The following VSTM4 variants were observed in gnomAD, a reference collection of about 807,000 sequenced individuals.
VSTM4 encodes the protein V-set and transmembrane domain containing 4.
Under a neutral mutation model 36.4 loss-of-function variants are expected in VSTM4, and 20 were observed. The ratio of observed to expected loss-of-function variants is 0.55; its 90% CI spans 0.39 to 0.80. The LOEUF (loss-of-function observed/expected upper bound fraction) is 0.80, where lower values mean the gene tolerates loss of function less well. Ranked by LOEUF, VSTM4 falls within the 30% of genes least tolerant of loss-of-function variation. The probability of loss-of-function intolerance (pLI) is 0.00; values close to 1 mark genes in which losing one functional copy is unlikely to be tolerated. For synonymous variants in VSTM4, 182 were observed against 173.9 expected (o/e 1.05, Z -0.37); for missense variants, 392 against 404.5 (o/e 0.97, Z 0.26).
chr10:49,071,666 C>T (rs1206366447), intron 4 of VSTM4, among the ~76,000 whole-genome samples: 1 of 152,216 alleles, frequency 6.6e-6, no homozygotes, highest in Non-Finnish European at 1.5e-5. Context: ...CTCAAGGTCC[C>T]ACTGGGGGTT....
chr10:49,076,804 TGAACGCTCATAA>T (rs1363660843), intron 4 of VSTM4, among the ~76,000 whole-genome samples: 1 of 152,210 alleles, frequency 6.6e-6, no homozygotes, highest in African/African-American at 2.4e-5. Context: ...TGCCTGCCAG[TGAACGCTCATAA>T]GAACATTCCA....
At chr10:49,113,533 C>A (rs992620354) in intron 1 of VSTM4, among the ~76,000 whole-genome samples, 15 of 152,192 alleles carry the variant, frequency 9.9e-5, no homozygotes, top group Non-Finnish European at 2.2e-4. Flanking sequence ...AGCCCTTGTT[C>A]AAGCTCACAT....
At chr10:49,053,345 A>G (rs1843727842) in intron 5 of VSTM4, among the ~76,000 whole-genome samples, 1 of 152,194 alleles carries the variant, frequency 6.6e-6, no homozygotes, top group Admixed American at 6.5e-5. Flanking sequence ...CTTCTGTCCC[A>G]CAAAGGCTTG....
At chr10:49,053,042 T>C (rs1843722765) in intron 5 of VSTM4, among the ~76,000 whole-genome samples, 1 of 152,228 alleles carries the variant, frequency 6.6e-6, no homozygotes, top group Non-Finnish European at 1.5e-5. Context: ...ATGATTAACT[T>C]ACAAGAAAAG....
intron 7 of VSTM4, among the ~76,000 whole-genome samples, chr10:49,036,135 G>A (rs7074670): frequency 2.0e-5 from 3 of 152,124 alleles, no homozygotes; most frequent in Non-Finnish European, 2.9e-5. Context: ...CTTACCGAAC[G>A]CCGAGATACC....
At position 49,107,718 on chromosome 10, in the gene VSTM4, C is replaced by T. The variant is rs140982518; in HGVS notation, c.333G>A (p.Arg111=). ...AGGGCTGCAGTGTCAAGACGGAGAG[C>T]CTGTAGAGCGCCCCCCGCTGCTCCT... is the stretch of plus-strand genomic sequence containing the variant. The part of the protein sequence containing the change: ...LLEEQRGALY[R]LSVLTLQPSD... Residue 111 remains arginine, a synonymous_variant, in exon 2 of 8, where the codon AGG becomes AGA. Transcript: ENST00000332853. The T allele has an allele frequency of 7.0e-5, 113 of 1,614,066 alleles. No homozygotes were observed. Among genetic ancestry groups the T allele is most frequent in the Non-Finnish European group, 9.2e-5 (109 of 1,180,040 alleles).
chr10:49,060,955 T>C (rs1375789157), intron 5 of VSTM4, among the ~76,000 whole-genome samples: 2 of 152,190 alleles, frequency 1.3e-5, no homozygotes, highest in African/African-American at 4.8e-5. Flanking sequence ...GCCATCTCTA[T>C]CAAAAGTCAG....
Position 49,055,598 on chromosome 10 carries a change from CAG to C in VSTM4, c.669-7016_669-7015del, listed in dbSNP as rs542947208. On this transcript the variant is annotated intron_variant, in intron 5 of 7. Transcript: ENST00000332853. ...GATAAAGGCCAAGAACTCATGCAAA[CAG>C]GGGGAGTTTCCTAATGTCTTGCCTT... 2.1e-3 allele frequency among the ~76,000 whole-genome samples: 324 copies of C among 152,364 alleles called. 1 individual carries two copies. The highest frequency in any genetic ancestry group is 7.2e-3 in the African/African-American group (299 of 41,602).
At chr10:49,026,315 T>C (rs979180644) in intron 7 of VSTM4, among the ~76,000 whole-genome samples, 3 of 152,110 alleles carry the variant, frequency 2.0e-5, no homozygotes, top group African/African-American at 7.2e-5. Flanking sequence ...CATGCTCAGC[T>C]CTCCCAAGAC....
intron 1 of VSTM4, 127 bp from the exon 2 acceptor site, chr10:49,108,122 A>C: frequency 7.5e-7 from 1 of 1,327,778 alleles, no homozygotes; most frequent in Admixed American, 2.8e-5. Context: ...TGGCCAGAGA[A>C]GCAGGCGGCC....
At chr10:49,106,891 T>C (rs1387145762) in intron 2 of VSTM4, among the ~76,000 whole-genome samples, 1 of 152,238 alleles carries the variant, frequency 6.6e-6, no homozygotes, top group African/African-American at 2.4e-5. Context: ...ATGCCTACGA[T>C]GACCTCCTGA....
At chr10:49,113,793 G>A (rs368760054) in intron 1 of VSTM4, among the ~76,000 whole-genome samples, 8 of 152,108 alleles carry the variant, frequency 5.3e-5, no homozygotes, top group East Asian at 1.9e-4. Flanking sequence ...CAGCAGGATC[G>A]TGGTGAGGAG....
chr10:49,108,339 G>A (rs1844828875), intron 1 of VSTM4, among the ~76,000 whole-genome samples: 1 of 152,184 alleles, frequency 6.6e-6, no homozygotes. Context: ...TCTTAAAAAT[G>A]TCTAGCCCAC....
intron 4 of VSTM4, among the ~76,000 whole-genome samples, 166 bp from the exon 5 acceptor site, chr10:49,064,902 C>G (rs1238121659): frequency 4.6e-5 from 7 of 152,202 alleles, no homozygotes; most frequent in Non-Finnish European, 1.0e-4. Flanking sequence ...CACAGCAGAG[C>G]CATCACATGA....
intron 7 of VSTM4, among the ~76,000 whole-genome samples, chr10:49,026,605 G>C (rs1296619626): frequency 6.6e-6 from 1 of 152,218 alleles, no homozygotes; most frequent in Non-Finnish European, 1.5e-5. Context: ...ATCTCTGGGT[G>C]CCACCCTGCC....
intron 3 of VSTM4, 28 bp downstream of exon 3, chr10:49,085,927 A>G (rs1380087345): frequency 1.4e-6 from 2 of 1,440,506 alleles, no homozygotes; most frequent in East Asian, 4.6e-5. Context: ...CTATAGAGCA[A>G]TAAAAAAAAG....
chr10:49,086,859 T>C (rs1291472248), intron 2 of VSTM4, among the ~76,000 whole-genome samples: 2 of 152,212 alleles, frequency 1.3e-5, no homozygotes, highest in Admixed American at 1.3e-4. Context: ...TTTACTTTTA[T>C]TTAAGTTTAA....
intron 7 of VSTM4, among the ~76,000 whole-genome samples, chr10:49,039,995 G>A (rs77130345): frequency 5.1e-4 from 78 of 152,308 alleles, no homozygotes; most frequent in African/African-American, 1.8e-3. Context: ...GGCTTCCGAA[G>A]CTTTGCTGCA....
intron 5 of VSTM4, among the ~76,000 whole-genome samples, chr10:49,060,225 A>G (rs555288043): frequency 3.3e-5 from 5 of 152,360 alleles, no homozygotes; most frequent in East Asian, 3.9e-4. Context: ...ATAGATTCCT[A>G]TGAGCGGAAT....
Sources: allele counts gnomAD v4.1 joint callset (sites outside exome capture counted in the v4.1 genomes callset), GRCh38; gene constraint gnomAD v4.1.1; transcripts MANE v1.5; gene names NCBI Gene and HGNC (gene_info 2026-07-23, HGNC 2026-07-21).